The following DNAL4 variants were observed in gnomAD, a reference collection of about 807,000 sequenced individuals.
DNAL4 encodes dynein light chain, outer arm 4.
DNAL4 carries 10 observed loss-of-function variants against 12.6 expected under a neutral mutation model. That is an observed-to-expected ratio of 0.79 (90% CI 0.49 to 1.34). The LOEUF is 1.34. Ranked by LOEUF, DNAL4 falls within the 40% of genes most tolerant of loss-of-function variation. DNAL4 has a pLI of 0.00. For missense variants in DNAL4, 128 were observed against 138.1 expected, an observed-to-expected ratio of 0.93 and a Z score of 0.37; for synonymous variants, 46 against 53.1, an observed-to-expected ratio of 0.87 and a Z score of 0.58.
At chr22:38,790,778 C>A (rs973859049) in intron 1 of DNAL4, among the ~76,000 whole-genome samples, 2 of 152,150 alleles carry the variant, frequency 1.3e-5, no homozygotes, top group African/African-American at 2.4e-5. Context: ...TATGGTACGG[C>A]CTATTTCTCC....
intron 3 of DNAL4, among the ~76,000 whole-genome samples, chr22:38,780,387 G>A (rs1011190123): frequency 6.6e-6 from 1 of 152,230 alleles, no homozygotes; most frequent in Non-Finnish European, 1.5e-5. Flanking sequence ...GCTGAAGCCA[G>A]GATCTGAACC....
At position 38,782,733 on chromosome 22, in the gene DNAL4, A is replaced by T. The variant is rs2093036209; in HGVS notation, c.-2T>A. The T allele has an allele frequency of 6.2e-7, 1 of 1,611,910 alleles. No homozygotes were observed. Among genetic ancestry groups the T allele is most frequent in the Non-Finnish European group, 8.5e-7 (1 of 1,179,242 alleles). On this transcript the variant is annotated 5_prime_UTR_variant, in exon 2 of 4. Transcript: ENST00000216068. This position sits in a 1 kb window ranked among gnomAD's most constrained non-coding sequence, Gnocchi z 5.1. ...TTTCTTCCCTTCTGTTTCTCCCATG[A>T]TCCTTCCACTGTGACCACTGGAGGA...
rs763480375 is a variant in DNAL4 at position 38,779,416 on chromosome 22, G to A, written c.*33C>T. On this transcript the variant is annotated 3_prime_UTR_variant, in exon 4 of 4. Coordinates refer to ENST00000216068, the MANE Select transcript of DNAL4 (RefSeq NM_005740.3). The surrounding 1 kb of genome is among the most constrained non-coding windows in gnomAD (Gnocchi z 4.3). ...CCACCCCAGATGAGTGGCAGGAAAA[G>A]GCCCTGCAGGGGACGGGGCAGGGGA... 22 of 1,543,034 alleles carry A rather than the reference G, an allele frequency of 1.4e-5. No homozygotes were observed. Among genetic ancestry groups the A allele is most frequent in the Middle Eastern group, 2.2e-4 (1 of 4,490 alleles).
At chr22:38,786,353 G>A (rs959315331) in intron 1 of DNAL4, among the ~76,000 whole-genome samples, 1 of 152,196 alleles carries the variant, frequency 6.6e-6, no homozygotes, top group Admixed American at 6.5e-5. Context: ...GAGGTCAGAA[G>A]TTCGAGACCA....
At chr22:38,790,681 A>G (rs1304908847) in intron 1 of DNAL4, among the ~76,000 whole-genome samples, 1 of 152,190 alleles carries the variant, frequency 6.6e-6, no homozygotes, top group East Asian at 1.9e-4. Context: ...GCATGTTCTG[A>G]GAATCGTTAG....
chr22:38,780,680 A>C, intron 3 of DNAL4: 1 of 492,026 alleles, frequency 2.0e-6, no homozygotes, highest in Non-Finnish European at 3.7e-6. Context: ...GAGGCAGGGA[A>C]CATGGGCAGG....
chr22:38,786,486 G>A (rs1047680231), intron 1 of DNAL4, among the ~76,000 whole-genome samples: 6 of 152,210 alleles, frequency 3.9e-5, no homozygotes, highest in Non-Finnish European at 7.3e-5. Flanking sequence ...TTGAACCCGG[G>A]AGACAGAGAT....
intron 1 of DNAL4, among the ~76,000 whole-genome samples, chr22:38,787,955 T>G (rs560093091): frequency 2.6e-5 from 4 of 152,350 alleles, no homozygotes; most frequent in African/African-American, 9.6e-5. Flanking sequence ...CAATCCATCC[T>G]TCTGACTCGA....
In DNAL4 at chr22:38,794,078, G is replaced by C. The variant is rs940557922; in HGVS notation, c.-150C>G. The C allele has an allele frequency of 2.6e-5, 4 of 152,214 alleles. No homozygotes were observed. The highest frequency in any genetic ancestry group is 4.4e-5 in the Non-Finnish European group (3 of 68,060). The allele number at this position is 152,214 out of a possible 1,614,324, so 9.4% of individuals were successfully genotyped here. Reference sequence around the variant, plus strand: ...GCCCCGGGGCCTCACCTGCTCCTGCGGGGGCCGGAGCCGGGGCCGCAGCCA... The same window carrying C: ...GCCCCGGGGCCTCACCTGCTCCTGCCGGGGCCGGAGCCGGGGCCGCAGCCA... On this transcript the variant is annotated 5_prime_UTR_variant, in exon 1 of 4. Coordinates refer to ENST00000216068, the MANE Select transcript of DNAL4 (RefSeq NM_005740.3).
chr22:38,781,858 C>T (rs1210841537), intron 2 of DNAL4, among the ~76,000 whole-genome samples: 3 of 152,180 alleles, frequency 2.0e-5, no homozygotes, highest in African/African-American at 7.2e-5. Flanking sequence ...CTCCGTGAGC[C>T]GCACCCAGCC....
chr22:38,784,383 G>A (rs2093039006), intron 1 of DNAL4, among the ~76,000 whole-genome samples: 1 of 152,056 alleles, frequency 6.6e-6, no homozygotes, highest in African/African-American at 2.4e-5. Context: ...TTGTTCATAC[G>A]CCTCCTCATG....
chr22:38,790,652 G>A (rs576824746), intron 1 of DNAL4, among the ~76,000 whole-genome samples: 3 of 152,318 alleles, frequency 2.0e-5, no homozygotes, highest in South Asian at 2.1e-4. Context: ...ACACAGTCAT[G>A]CGTTGCTTAA....
intron 2 of DNAL4, 124 bp from the exon 3 acceptor site, chr22:38,781,133 G>A: frequency 9.7e-7 from 1 of 1,029,724 alleles, no homozygotes; most frequent in Non-Finnish European, 1.4e-6. Flanking sequence ...CCCAGCCCTG[G>A]GCAGGTGACC....
intron 3 of DNAL4, among the ~76,000 whole-genome samples, chr22:38,780,405 G>A (rs966889328): frequency 1.3e-5 from 2 of 152,210 alleles, no homozygotes; most frequent in Admixed American, 1.3e-4. Context: ...ACCTGGGCCT[G>A]GCCGACCCAA....
intron 1 of DNAL4, among the ~76,000 whole-genome samples, chr22:38,784,422 A>ATT (rs2093039062): frequency 6.6e-6 from 1 of 151,852 alleles, no homozygotes; most frequent in African/African-American, 2.4e-5. Flanking sequence ...ACAAGCATAC[A>ATT]TCAGCTGCCC....
rs759923818 is a variant in DNAL4, at chr22:38,779,521, G to C, written c.246C>G (p.Thr82=). 1 of 1,583,900 alleles carries C rather than the reference G, an allele frequency of 6.3e-7. No individual in the cohort carries two copies. Among genetic ancestry groups the C allele is most frequent in the East Asian group, 2.3e-5 (1 of 43,328 alleles). ...VIGEGFGFEI[T]HEVKNLLYLY... The stretch of plus-strand genomic sequence containing the variant: ...GGTAGAGGAGGTTCTTCACCTCGTG[G>C]GTGATCTCAAACCCAAAGCCCTCGC... Residue 82 remains threonine, a synonymous_variant, in exon 4 of 4, where the codon ACC becomes ACG. Transcript: ENST00000216068. The surrounding 1 kb of genome is among the most constrained non-coding windows in gnomAD (Gnocchi z 4.3).
At position 38,779,482 on chromosome 22, in the gene DNAL4, G is replaced by A; in HGVS notation, c.285C>T (p.Gly95=). Residue 95 remains glycine, a synonymous_variant, in exon 4 of 4, where the codon GGC becomes GGT. Coordinates refer to ENST00000216068, the MANE Select transcript of DNAL4 (RefSeq NM_005740.3). This position sits in a 1 kb window ranked among gnomAD's most constrained non-coding sequence, Gnocchi z 4.3. ...VKNLLYLYFG[G]TLAVCVWKCS Reference sequence around the variant, plus strand: ...ACTTCCAGACGCACACAGCCAGGGTGCCCCCGAAGTACAGGTAGAGGAGGT... The same window carrying A: ...ACTTCCAGACGCACACAGCCAGGGTACCCCCGAAGTACAGGTAGAGGAGGT... 6.3e-7 allele frequency: 1 copy of A among 1,579,652 alleles called. No homozygotes were observed. The highest frequency in any genetic ancestry group is 8.6e-7 in the Non-Finnish European group (1 of 1,162,296).
chr22:38,792,563 C>T (rs1476702040), intron 1 of DNAL4, among the ~76,000 whole-genome samples: 3 of 152,196 alleles, frequency 2.0e-5, no homozygotes, highest in Non-Finnish European at 4.4e-5. Context: ...GATTAATAGG[C>T]GTGAGCCACC....
intron 1 of DNAL4, among the ~76,000 whole-genome samples, chr22:38,793,260 C>A (rs1049360567): frequency 6.6e-6 from 1 of 152,028 alleles, no homozygotes; most frequent in Non-Finnish European, 1.5e-5. Flanking sequence ...TCATGCTGAC[C>A]GGGTTGATAA....
Sources: gnomAD v4.1 joint callset for allele counts (sites outside exome capture counted in the v4.1 genomes callset) on GRCh38, gnomAD v4.1.1 for gene constraint, Gnocchi (gnomAD v3.1) non-coding constraint, MANE v1.5 for transcripts, NCBI Gene and HGNC (gene_info 2026-07-23, HGNC 2026-07-21) for gene names.